Variants in KMO observed in about 807,000 individuals in gnomAD.
KMO encodes kynurenine 3-monooxygenase.
A neutral mutation model predicts 57.8 loss-of-function variants in KMO; 24 were observed. The observed-to-expected ratio is 0.42, with a 90% CI of 0.30 to 0.58. The LOEUF (loss-of-function observed/expected upper bound fraction) is 0.58, where lower values mean the gene tolerates loss of function less well. Ranked by LOEUF, KMO falls within the 20% of genes least tolerant of loss-of-function variation. KMO has a pLI of 0.22. For missense variants in KMO, 483 were observed against 588.2 expected, an observed-to-expected ratio of 0.82 and a Z score of 1.85; for synonymous variants, 210 against 193.6, an observed-to-expected ratio of 1.08 and a Z score of -0.70.
chr1:241,548,088 A>AACACACACATACACACAC (rs139108754), intron 1 of KMO, among the ~76,000 whole-genome samples: 3 of 148,848 alleles, frequency 2.0e-5, no homozygotes, highest in Non-Finnish European at 4.5e-5. Context: ...AAACAAACAA[A>AACACACACATACACACAC]ACACACACAC....
At chr1:241,550,649 T>C (rs112863274) in intron 3 of KMO, among the ~76,000 whole-genome samples, 1 of 152,296 alleles carries the variant, frequency 6.6e-6, no homozygotes, top group Non-Finnish European at 1.5e-5. Context: ...ATCTCCCTTT[T>C]TGTCATGATG....
In KMO at chr1:241,594,479, G is replaced by A. The variant is rs373531575; in HGVS notation, c.*2326G>A. The A allele has an allele frequency of 2.9e-5, 47 of 1,614,036 alleles. No individual in the cohort carries two copies. The highest frequency in any genetic ancestry group is 3.5e-5 in the Non-Finnish European group (41 of 1,179,926). ...CAACTTTGGACCCATTGGTTTTGTC[G>A]CTGTCGTCAACTGACAGTGATTCAT... On this transcript the variant is annotated 3_prime_UTR_variant, in exon 15 of 15. Coordinates refer to ENST00000366559, the MANE Select transcript of KMO (RefSeq NM_003679.5).
intron 6 of KMO, 56 bp from the exon 7 acceptor site, chr1:241,562,111 C>A: frequency 2.0e-6 from 3 of 1,475,444 alleles, no homozygotes; most frequent in South Asian, 1.2e-5. Flanking sequence ...AGAGGTACAT[C>A]ATCATTTTCA....
At chr1:241,533,637 A>T (rs1488970467) in intron 1 of KMO, among the ~76,000 whole-genome samples, 2 of 152,230 alleles carry the variant, frequency 1.3e-5, no homozygotes, top group Non-Finnish European at 2.9e-5. Context: ...TGTGTTCAAC[A>T]AAATCTGATT....
intron 4 of KMO, among the ~76,000 whole-genome samples, chr1:241,553,038 T>A (rs1661470338): frequency 6.6e-6 from 1 of 152,324 alleles, no homozygotes; most frequent in Admixed American, 6.5e-5. Flanking sequence ...TAAAATAAAC[T>A]TTTTTTCTAA....
At chr1:241,566,014 G>A (rs980094233) in intron 8 of KMO, among the ~76,000 whole-genome samples, 15 of 152,260 alleles carry the variant, frequency 9.9e-5, no homozygotes, top group Admixed American at 6.5e-4. Context: ...AGACCAACCT[G>A]CCCAACATGG....
intron 1 of KMO, among the ~76,000 whole-genome samples, chr1:241,547,501 AAG>A (rs771310106): frequency 9.2e-5 from 14 of 152,022 alleles, no homozygotes; most frequent in Non-Finnish European, 1.9e-4. Context: ...CACTTGGTGA[AAG>A]AGGAGATCCA....
intron 10 of KMO, among the ~76,000 whole-genome samples, chr1:241,573,710 A>C (rs1440144628): frequency 6.6e-6 from 1 of 152,092 alleles, no homozygotes; most frequent in South Asian, 2.1e-4. Flanking sequence ...CAGTAATGTG[A>C]TGCCTCCAGA....
intron 5 of KMO, among the ~76,000 whole-genome samples, chr1:241,556,035 T>A (rs1469544106): frequency 6.6e-6 from 1 of 152,098 alleles, no homozygotes; most frequent in Non-Finnish European, 1.5e-5. Flanking sequence ...CAGTGAGATA[T>A]GAGTGATGTG....
chr1:241,586,323 C>T (rs1334391745), intron 10 of KMO, among the ~76,000 whole-genome samples: 3 of 151,404 alleles, frequency 2.0e-5, no homozygotes, highest in Non-Finnish European at 2.9e-5. Flanking sequence ...CTCAGCCTCC[C>T]GAGTAGCTGG....
intron 9 of KMO, among the ~76,000 whole-genome samples, chr1:241,567,385 A>ATCC: frequency 6.6e-6 from 1 of 152,296 alleles, no homozygotes; most frequent in Non-Finnish European, 1.5e-5. Flanking sequence ...ACATGCTGGA[A>ATCC]GGGGCATGGG....
In KMO at chr1:241,549,615, T is replaced by A; in HGVS notation, c.125-62T>A. 3 of 969,986 alleles carry A rather than the reference T, an allele frequency of 3.1e-6. No individual in the cohort carries two copies. In the South Asian group the frequency reaches 4.3e-5, roughly 14 times the overall value. 60.1% of individuals were successfully genotyped at this position (969,986 alleles called of 1,614,324 possible). On this transcript the variant is annotated intron_variant, in intron 2 of 14. Coordinates refer to ENST00000366559, the MANE Select transcript of KMO (RefSeq NM_003679.5). Reference sequence around the variant, plus strand: ...AACCAGTTGTTCAGATGCAGTAATTTTGCTCATCCTGAGCTAGGATATAAA... The same window carrying A: ...AACCAGTTGTTCAGATGCAGTAATTATGCTCATCCTGAGCTAGGATATAAA...
Position 241,588,753 on chromosome 1 carries a change from T to C in KMO, c.1021T>C (p.Cys341Arg). 6.2e-7 allele frequency: 1 copy of C among 1,610,998 alleles called. No individual in the cohort carries two copies. Among genetic ancestry groups the C allele is most frequent in the Non-Finnish European group, 8.5e-7 (1 of 1,177,352 alleles). ...MDKFSNDLSL[C>R]LPVFSRLRIP... ...ATGTATTATTTAACTTACAGGTTTG[T>C]GTCTTCCTGTGTTCTCAAGATTGAG... is the stretch of plus-strand genomic sequence containing the variant. Residue 341 changes from cysteine to arginine, a missense_variant, in exon 12 of 15, where the codon TGT becomes CGT. Cys to Arg is a radical substitution (Grantham distance 180). This residue lies in a region of KMO where 410 missense variants were observed against 492.3 expected (regional missense o/e 0.83). Coordinates refer to ENST00000366559, the MANE Select transcript of KMO (RefSeq NM_003679.5).
At chr1:241,574,199 A>G (rs1662415101) in intron 10 of KMO, among the ~76,000 whole-genome samples, 1 of 152,098 alleles carries the variant, frequency 6.6e-6, no homozygotes, top group Non-Finnish European at 1.5e-5. Context: ...AAGTATACAA[A>G]CATATCATCA....
At chr1:241,538,375 C>T (rs1489663846) in intron 1 of KMO, among the ~76,000 whole-genome samples, 2 of 152,112 alleles carry the variant, frequency 1.3e-5, no homozygotes, top group Admixed American at 1.3e-4. Context: ...TTGGTGGTCT[C>T]TTTCAAGTAG....
chr1:241,555,857 G>A (rs561344287), intron 5 of KMO, 197 bp downstream of exon 5: 67 of 410,032 alleles, frequency 1.6e-4, no homozygotes, highest in Non-Finnish European at 2.2e-4. Flanking sequence ...AAAGGCTGAG[G>A]CCAGGATCGC....
chr1:241,549,436 A>G (rs1489963562), intron 2 of KMO, among the ~76,000 whole-genome samples: 1 of 152,126 alleles, frequency 6.6e-6, no homozygotes, highest in Non-Finnish European at 1.5e-5. Flanking sequence ...GATTTTCTGA[A>G]CTTAAAAAGT....
At chr1:241,550,129 A>G (rs920340656) in intron 3 of KMO, 1 of 168,924 alleles carries the variant, frequency 5.9e-6, no homozygotes, top group African/African-American at 2.4e-5. Flanking sequence ...ACAATTCTAT[A>G]CTCCAAAAAG....
Position 241,592,369 on chromosome 1 carries a change from C to T in KMO, c.*216C>T, listed in dbSNP as rs775086486. Reference sequence around the variant, plus strand: ...ATGCAGCTTCCCTACATTACACACACTCAGGTTGAGTCATTCTAACTATAA... The same window carrying T: ...ATGCAGCTTCCCTACATTACACACATTCAGGTTGAGTCATTCTAACTATAA... On this transcript the variant is annotated 3_prime_UTR_variant, in exon 15 of 15. Transcript: ENST00000366559. 1.8e-6 allele frequency: 1 copy of T among 557,578 alleles called. No individual in the cohort carries two copies. The highest frequency in any genetic ancestry group is 3.2e-6 in the Non-Finnish European group (1 of 311,958). 34.5% of individuals were successfully genotyped at this position (557,578 alleles called of 1,614,324 possible).
Sources: gnomAD v4.1 joint callset for allele counts (sites outside exome capture counted in the v4.1 genomes callset) on GRCh38, gnomAD v4.1.1 for gene constraint, gnomAD v4.1.1 regional missense constraint, MANE v1.5 for transcripts, NCBI Gene and HGNC (gene_info 2026-07-23, HGNC 2026-07-21) for gene names.